The following AFDN variants were observed in gnomAD, a reference collection of about 807,000 sequenced individuals.
The protein encoded by AFDN is afadin, adherens junction formation factor, also known as afadin.
In AFDN, 68 loss-of-function variants were observed where a neutral mutation model predicts 216.6. The ratio of observed to expected loss-of-function variants is 0.31; its 90% confidence interval spans 0.26 to 0.38. AFDN has a LOEUF of 0.38. Among genes scored for constraint, AFDN ranks in the 10% least tolerant of loss-of-function variants. The pLI is 1.00. For synonymous variants in AFDN, 868 were observed against 853.7 expected (o/e 1.02, Z -0.29); for missense variants, 2,136 against 2,342.0 (o/e 0.91, Z 1.82).
chr6:167,882,556 C>T (rs1786259249), intron 6 of AFDN, among the ~76,000 whole-genome samples: 1 of 151,694 alleles, frequency 6.6e-6, no homozygotes, highest in Admixed American at 6.6e-5. Flanking sequence ...GAGGTTGAGG[C>T]AGGACAATTA....
intron 18 of AFDN, 107 bp from the exon 19 acceptor site, chr6:167,915,061 A>G: frequency 8.6e-7 from 1 of 1,166,278 alleles, no homozygotes; most frequent in South Asian, 1.5e-5. Flanking sequence ...AAAGTAATTA[A>G]ACGGCACTTA....
chr6:167,969,782 C>T lies in AFDN; in HGVS notation c.5343C>T (p.Ser1781=), dbSNP rs772235283. The T allele has an allele frequency of 8.1e-6, 13 of 1,606,236 alleles. No individual in the cohort carries two copies. The highest frequency in any genetic ancestry group is 1.0e-5 in the Non-Finnish European group (12 of 1,178,052). Residue 1781 remains serine, a splice_region_variant and synonymous_variant, in exon 34 of 34, where the codon AGC becomes AGT. Transcript: ENST00000683244. ...CRDAKEKRSK[S]QDADSPGSSG... is the part of the protein sequence containing the mutation. ...TCTTTGATATTGCCCTCTTCTGCAG[C>T]CAAGATGCAGATTCACCTGGAAGTT...
intron 1 of AFDN, among the ~76,000 whole-genome samples, chr6:167,862,381 G>GT (rs869277729): frequency 0.021 from 3,171 of 147,856 alleles, 52 homozygotes; most frequent in Non-Finnish European, 0.034. Context: ...TAAAGGTTTG[G>GT]TTTTTTTTTT....
chr6:167,845,565 A>C (rs1442072744), intron 1 of AFDN, among the ~76,000 whole-genome samples: 1 of 152,020 alleles, frequency 6.6e-6, no homozygotes. Context: ...TAGTAGAGAC[A>C]GGGTTTCGCC....
At chr6:167,963,044 C>T in intron 31 of AFDN, 1 of 1,072,410 alleles carries the variant, frequency 9.3e-7, no homozygotes, top group Non-Finnish European at 1.1e-6. Context: ...GTAAAGAGAG[C>T]AGATGGCTTA....
At chr6:167,935,400 G>A (rs3800533) in intron 23 of AFDN, among the ~76,000 whole-genome samples, 64,696 of 151,980 alleles carry the variant, frequency 0.43, 14,492 homozygotes, top group East Asian at 0.8. Flanking sequence ...AGCAGTGTGG[G>A]CGCTGTACTG....
At chr6:167,841,760 T>G (rs991752422) in intron 1 of AFDN, among the ~76,000 whole-genome samples, 1 of 152,178 alleles carries the variant, frequency 6.6e-6, no homozygotes, top group African/African-American at 2.4e-5. Context: ...TGCTAATTTT[T>G]TTTTTCTACT....
chr6:167,869,636 A>G (rs542866949), intron 2 of AFDN, among the ~76,000 whole-genome samples: 1 of 152,292 alleles, frequency 6.6e-6, no homozygotes, highest in South Asian at 2.1e-4. Context: ...GAGCAGGTCC[A>G]TCCTTCAGTG....
In AFDN at chr6:167,951,793, C is replaced by T. The variant is rs759338911; in HGVS notation, c.4439C>T (p.Pro1480Leu). ...GAAAAGCCTTCCACACTCCAGCGGC[C>T]ACAGGAAACAGTCATTCGGGAGCTG... Reference protein sequence around the residue: ...KPEKPSTLQRPQETVIRELQP... With the variant: ...KPEKPSTLQRLQETVIRELQP... The change falls in exon 30 of 34, where the codon CCA (proline) becomes CTA (leucine). Residue 1480 changes from proline (P) to leucine (L), a missense_variant. Around this residue, in one of 8 missense-constraint regions of AFDN, gnomAD observed 981 missense variants for 966.0 expected, o/e 1.02. Transcript: ENST00000683244. The surrounding 1 kb of genome is among the most constrained non-coding windows in gnomAD (Gnocchi z 7.1). 1.2e-6 allele frequency: 2 copies of T among 1,614,150 alleles called. No homozygotes were observed. Among genetic ancestry groups the T allele is most frequent in the Admixed American group, 3.3e-5 (2 of 60,006 alleles).
intron 1 of AFDN, among the ~76,000 whole-genome samples, chr6:167,842,154 A>G (rs1583115470): frequency 6.6e-6 from 1 of 152,168 alleles, no homozygotes; most frequent in South Asian, 2.1e-4. Flanking sequence ...TCTATCCCCA[A>G]AACACTGCTA....
chr6:167,880,300 G>T, intron 5 of AFDN, 60 bp from the exon 6 acceptor site: 1 of 1,500,780 alleles, frequency 6.7e-7, no homozygotes, highest in South Asian at 1.2e-5. Flanking sequence ...GTAAATGTTA[G>T]CTATCTCTGT....
Position 167,914,548 on chromosome 6 carries a change from A to AT in AFDN, c.2205-90dup, listed in dbSNP as rs879123572. The AT allele has an allele frequency of 2.0e-5, 20 of 978,922 alleles. No homozygotes were observed. In the South Asian group the frequency reaches 3.1e-4, roughly 15 times the overall value. The allele number at this position is 978,922 out of a possible 1,614,324, so 60.6% of individuals were successfully genotyped here. On this transcript the variant is annotated intron_variant, in intron 17 of 33. Coordinates refer to ENST00000683244, the MANE Select transcript of AFDN (RefSeq NM_001386888.1). ...CCACATTTTTTTTTTAATGGAAAAT[A>AT]TTTTTTAAGAGTCCAGATTGTTTCC...
Position 167,964,851 on chromosome 6 carries a change from C to G in AFDN, c.4969-906C>G, listed in dbSNP as rs200991597. On this transcript the variant is annotated intron_variant, in intron 31 of 33. Transcript: ENST00000683244. ...TTTATTCTGTTTGCTCTTTCATCCC[C>G]CTTCTTATTTACTTTTTTCTTGTGC... 23 of 1,065,472 alleles carry G rather than the reference C, an allele frequency of 2.2e-5. No individual in the cohort carries two copies. The East Asian group carries it at 1.1e-3, about 53-fold the overall frequency. The allele number at this position is 1,065,472 out of a possible 1,614,324, so 66.0% of individuals were successfully genotyped here.
Position 167,951,038 on chromosome 6 carries a change from A to G in AFDN, c.3832-148A>G, listed in dbSNP as rs4708613. 0.45 allele frequency: 546,527 copies of G among 1,211,514 alleles called. 126,869 individuals are homozygous for G. The highest frequency in any genetic ancestry group is 0.81 in the East Asian group (29,679 of 36,858). The allele number at this position is 1,211,514 out of a possible 1,614,324, so 75.0% of individuals were successfully genotyped here. A position where few individuals can be genotyped will look rare whatever the true frequency, so the allele number is the denominator to read the frequency against. On this transcript the variant is annotated intron_variant, in intron 29 of 33. Transcript: ENST00000683244. This position sits in a 1 kb window ranked among gnomAD's most constrained non-coding sequence, Gnocchi z 7.1. Reference sequence around the variant, plus strand: ...ACAGATAAATGCACTGTTACTCCACATTAGCCAATGAGCCTTGTAGGGCAG... The same window carrying G: ...ACAGATAAATGCACTGTTACTCCACGTTAGCCAATGAGCCTTGTAGGGCAG...
At chr6:167,925,553 C>T (rs1792410325) in intron 23 of AFDN, among the ~76,000 whole-genome samples, 1 of 152,134 alleles carries the variant, frequency 6.6e-6, no homozygotes, top group African/African-American at 2.4e-5. Flanking sequence ...TTCTCATTTC[C>T]AGGTGCCTTC....
chr6:167,914,052 C>G lies in AFDN; in HGVS notation c.2059-116C>G, dbSNP rs1251917165. 3 of 1,109,760 alleles carry G rather than the reference C, an allele frequency of 2.7e-6. No individual in the cohort carries two copies. In the South Asian group the frequency reaches 5.1e-5, roughly 19 times the overall value. 68.7% of individuals were successfully genotyped at this position (1,109,760 alleles called of 1,614,324 possible). ...AATATCTGGTATCTGTGGTAAATAC[C>G]TTGGTGAAATGGGAAGGTACTGGTC... On this transcript the variant is annotated intron_variant, in intron 16 of 33. Transcript: ENST00000683244.
At chr6:167,967,873 AG>A (rs1797715442) in intron 32 of AFDN, among the ~76,000 whole-genome samples, 1 of 152,180 alleles carries the variant, frequency 6.6e-6, no homozygotes, top group Non-Finnish European at 1.5e-5. Flanking sequence ...ACTCTGGTAA[AG>A]CATGCTTCTG....
chr6:167,827,452 C>T (rs1400422018), intron 1 of AFDN, among the ~76,000 whole-genome samples: 1 of 145,184 alleles, frequency 6.9e-6, no homozygotes, highest in African/African-American at 2.5e-5. Context: ...CGGGGTCGCG[C>T]GGGCCGAGCG....
At chr6:167,870,291 T>C (rs1784652736) in intron 2 of AFDN, 95 bp from the exon 3 acceptor site, 1 of 695,626 alleles carries the variant, frequency 1.4e-6, no homozygotes, top group Non-Finnish European at 2.4e-6. Flanking sequence ...AGGTGCTTTG[T>C]CTATAAAATT....
Sources: gnomAD v4.1 joint callset for allele counts (sites outside exome capture counted in the v4.1 genomes callset) on GRCh38, gnomAD v4.1.1 for gene constraint, gnomAD v4.1.1 regional missense constraint, Gnocchi (gnomAD v3.1) non-coding constraint, MANE v1.5 for transcripts, NCBI Gene and HGNC (gene_info 2026-07-23, HGNC 2026-07-21) for gene names.